The following PUM1 variants were observed in gnomAD, a reference collection of about 807,000 sequenced individuals.
PUM1 encodes pumilio RNA binding family member 1, also known as pumilio homolog 1.
PUM1 carries 13 observed loss-of-function variants against 131.8 expected under a neutral mutation model. The ratio of observed to expected loss-of-function variants is 0.10; its 90% CI spans 0.06 to 0.16. The LOEUF is 0.16. Among genes scored for constraint, PUM1 ranks in the 10% least tolerant of loss-of-function variants. The probability of loss-of-function intolerance (pLI) is 1.00; values close to 1 mark genes in which losing one functional copy is unlikely to be tolerated. For synonymous variants in PUM1, 509 were observed against 556.5 expected, an observed-to-expected ratio of 0.91 and a Z score of 1.20; for missense variants, 961 against 1,512.4, an observed-to-expected ratio of 0.64 and a Z score of 6.05.
intron 3 of PUM1, among the ~76,000 whole-genome samples, chr1:31,021,668 G>T (rs1450151912): frequency 6.6e-6 from 1 of 152,096 alleles, no homozygotes; most frequent in African/African-American, 2.4e-5. Context: ...GACCATCTGG[G>T]TATCATCTGG....
intron 9 of PUM1, 74 bp downstream of exon 9, chr1:30,979,988 T>C: frequency 2.0e-6 from 2 of 1,011,726 alleles, no homozygotes; most frequent in Non-Finnish European, 2.9e-6. Flanking sequence ...TGGGAAAGAG[T>C]ATAAAGAATG....
At chr1:30,958,572 C>T (rs74065549) in intron 14 of PUM1, among the ~76,000 whole-genome samples, 3,182 of 152,072 alleles carry the variant, frequency 0.021, 123 homozygotes, top group African/African-American at 0.072. Flanking sequence ...TGAGAAAGGG[C>T]GGGGGAGTAG....
intron 18 of PUM1, among the ~76,000 whole-genome samples, chr1:30,943,246 C>T (rs1639533032): frequency 6.6e-6 from 1 of 152,012 alleles, no homozygotes; most frequent in South Asian, 2.1e-4. Context: ...GTTTATTCTG[C>T]ATGGTATATA....
chr1:31,005,816 AG>A (rs773040340), intron 5 of PUM1, 36 bp downstream of exon 5: 38 of 1,529,756 alleles, frequency 2.5e-5, no homozygotes, highest in Middle Eastern at 1.7e-4. Flanking sequence ...AGAGAGAGAG[AG>A]AGAGAGATAG....
At chr1:31,030,577 G>A (rs1051940498) in intron 2 of PUM1, among the ~76,000 whole-genome samples, 19 of 152,112 alleles carry the variant, frequency 1.2e-4, no homozygotes, top group African/African-American at 4.6e-4. Flanking sequence ...TGGGCACGGT[G>A]ATGCACGCCT....
rs199824802 is a variant in PUM1 at position 30,942,139 on chromosome 1, C to T, written c.2995-16G>A. The stretch of plus-strand genomic sequence containing the variant: ...AGGCAAATACCTAAGGGTAGACAAA[C>T]ACAAATGAGAAGCAAAAATGACAGT... On this transcript the variant is annotated splice_polypyrimidine_tract_variant and intron_variant, in intron 18 of 21. Transcript: ENST00000426105. 89 of 1,483,242 alleles carry T rather than the reference C, an allele frequency of 6.0e-5. No individual in the cohort carries two copies. In the African/African-American group the frequency reaches 9.2e-4, roughly 15 times the overall value. 91.9% of individuals were successfully genotyped at this position (1,483,242 alleles called of 1,614,324 possible). A position where few individuals can be genotyped will look rare whatever the true frequency, so the allele number is the denominator to read the frequency against.
Position 31,004,592 on chromosome 1 carries a change from C to T in PUM1, c.720+1261G>A, listed in dbSNP as rs139712838. Among the ~76,000 whole-genome samples, 271 of 152,308 alleles carry T rather than the reference C, an allele frequency of 1.8e-3. 1 individual carries two copies. The highest frequency in any genetic ancestry group is 6.3e-3 in the African/African-American group (261 of 41,562). ...CAGGAGCCATCTCCTATCTGATTCA[C>T]AAGCTACTAAACCTGACCTAGGTCT... is the stretch of plus-strand genomic sequence containing the variant. On this transcript the variant is annotated intron_variant, in intron 5 of 21. Coordinates refer to ENST00000426105, the MANE Select transcript of PUM1 (RefSeq NM_001020658.2).
intron 3 of PUM1, among the ~76,000 whole-genome samples, chr1:31,009,872 T>C (rs2124515452): frequency 6.6e-6 from 1 of 151,532 alleles, no homozygotes; most frequent in East Asian, 1.9e-4. Context: ...TTATCCATAA[T>C]TTGTAAAATT....
At chr1:31,021,597 A>C (rs1248694334) in intron 3 of PUM1, among the ~76,000 whole-genome samples, 1 of 152,190 alleles carries the variant, frequency 6.6e-6, no homozygotes, top group Non-Finnish European at 1.5e-5. Flanking sequence ...TGTATAAAAC[A>C]AACTGGGCCA....
intron 20 of PUM1, among the ~76,000 whole-genome samples, chr1:30,939,938 G>GA (rs1424849875): frequency 6.6e-6 from 1 of 152,094 alleles, no homozygotes. Flanking sequence ...CCAAGGGTGA[G>GA]AAATTAAATA....
In PUM1 at chr1:30,979,137, G is replaced by GA. The variant is rs747020680; in HGVS notation, c.1354+924dup. 6.6e-3 allele frequency among the ~76,000 whole-genome samples: 827 copies of GA among 125,350 alleles called. 3 individuals are homozygous for GA. The highest frequency in any genetic ancestry group is 0.037 in the East Asian group (164 of 4,402). 82.2% of individuals were successfully genotyped at this position (125,350 alleles called of 152,430 possible). On this transcript the variant is annotated intron_variant, in intron 9 of 21. Coordinates refer to ENST00000426105, the MANE Select transcript of PUM1 (RefSeq NM_001020658.2). ...AAAAAGAGAGAGAGAGAAAGAAAGA[G>GA]AAAAAAAAAAAGAGGGGAAAAAACT...
At chr1:30,966,944 T>C (rs1244373773) in intron 12 of PUM1, among the ~76,000 whole-genome samples, 1 of 152,082 alleles carries the variant, frequency 6.6e-6, no homozygotes, top group East Asian at 1.9e-4. Context: ...ACCTTGCTTC[T>C]AACCAGCTGG....
chr1:30,998,538 G>C (rs1023955205), intron 5 of PUM1, among the ~76,000 whole-genome samples: 1 of 152,206 alleles, frequency 6.6e-6, no homozygotes. Flanking sequence ...TTGCTACTCA[G>C]GAGGCTGAGG....
intron 1 of PUM1, among the ~76,000 whole-genome samples, chr1:31,060,137 C>T (rs572002626): frequency 6.6e-6 from 1 of 151,112 alleles, no homozygotes; most frequent in East Asian, 2.0e-4. Flanking sequence ...CGTGAGCCAC[C>T]GCGCCCAGCC....
intron 3 of PUM1, 150 bp from the exon 4 acceptor site, chr1:31,007,252 G>C (rs1380161898): frequency 3.2e-6 from 2 of 623,268 alleles, no homozygotes; most frequent in South Asian, 1.9e-5. Context: ...ACTGTGGTCA[G>C]AACACTGCTA....
chr1:31,030,309 C>T (rs2124549487), intron 2 of PUM1, among the ~76,000 whole-genome samples: 1 of 152,270 alleles, frequency 6.6e-6, no homozygotes, highest in East Asian at 1.9e-4. Flanking sequence ...ACTCCCTCCT[C>T]TGATCTCCAC....
intron 20 of PUM1, 87 bp downstream of exon 20, chr1:30,941,064 C>G: frequency 2.1e-6 from 3 of 1,396,852 alleles, no homozygotes; most frequent in Non-Finnish European, 2.9e-6. Context: ...ACAACAACAA[C>G]AACAACATTA....
chr1:30,967,025 T>G, intron 12 of PUM1, 142 bp downstream of exon 12: 1 of 1,004,356 alleles, frequency 1.0e-6, no homozygotes. Context: ...CACTTATTGC[T>G]TCTGATCTCT....
At chr1:30,980,857 C>CA (rs1407219017) in intron 8 of PUM1, among the ~76,000 whole-genome samples, 1 of 152,138 alleles carries the variant, frequency 6.6e-6, no homozygotes, top group Non-Finnish European at 1.5e-5. Context: ...AGGAAAAGGG[C>CA]AAAGCTACTT....
Sources: gnomAD v4.1 joint callset for allele counts (sites outside exome capture counted in the v4.1 genomes callset) on GRCh38, gnomAD v4.1.1 for gene constraint, MANE v1.5 for transcripts, NCBI Gene and HGNC (gene_info 2026-07-23, HGNC 2026-07-21) for gene names.